The following PLA2G2D variants were observed in gnomAD, a reference collection of about 807,000 sequenced individuals.
PLA2G2D encodes the protein phospholipase A2 group IID.
PLA2G2D carries 17 observed loss-of-function variants against 13.9 expected under a neutral mutation model. The observed-to-expected ratio is 1.23, with a 90% confidence interval of 0.84 to 1.84. The LOEUF (loss-of-function observed/expected upper bound fraction) is 1.84. Ranked by LOEUF, PLA2G2D falls within the 40% of genes most tolerant of loss-of-function variation. PLA2G2D has a pLI of 0.00. For synonymous variants in PLA2G2D, 83 were observed against 69.3 expected (o/e 1.20, Z -0.98); for missense variants, 194 against 178.7 (o/e 1.09, Z -0.49).
chr1:20,116,227 C>A, intron 2 of PLA2G2D, 106 bp downstream of exon 2: 1 of 1,187,724 alleles, frequency 8.4e-7, no homozygotes, highest in Non-Finnish European at 1.2e-6. Flanking sequence ...AGTAGATGCT[C>A]AACAAAATGG....
intron 1 of PLA2G2D, 21 bp from the exon 2 acceptor site, chr1:20,116,498 C>A (rs774774326): frequency 6.2e-7 from 1 of 1,613,896 alleles, no homozygotes; most frequent in African/African-American, 1.3e-5. Flanking sequence ...GCCCAGCAAC[C>A]AGGAGAGAAG....
chr1:20,116,449 C>G lies in PLA2G2D; in HGVS notation c.69G>C (p.Leu23=). The change falls in exon 2 of 4, where the codon CTG becomes CTC. Residue 23 remains leucine (L), a synonymous_variant. Coordinates refer to ENST00000375105, the MANE Select transcript of PLA2G2D (RefSeq NM_012400.4). ...CTTGCTTGACCATCTTGTTCAGGTT[C>G]AGGATCCCGCCCTGGATTGGAATCA... ...AGVIPIQGGI[L]NLNKMVKQVT... The G allele has an allele frequency of 6.2e-7, 1 of 1,614,128 alleles. No homozygotes were observed. Among genetic ancestry groups the G allele is most frequent in the Non-Finnish European group, 8.5e-7 (1 of 1,180,032 alleles).
At chr1:20,118,507 A>G (rs1025185520) in intron 1 of PLA2G2D, among the ~76,000 whole-genome samples, 1 of 152,102 alleles carries the variant, frequency 6.6e-6, no homozygotes, top group African/African-American at 2.4e-5. Context: ...TCCTTCTCCC[A>G]AGGGATGGAC....
At chr1:20,116,520 T>A in intron 1 of PLA2G2D, 43 bp from the exon 2 acceptor site, 1 of 1,610,752 alleles carries the variant, frequency 6.2e-7, no homozygotes, top group Non-Finnish European at 8.5e-7. Flanking sequence ...GGAGATGAAT[T>A]TCAGGGCAGC....
chr1:20,116,907 G>T (rs1272051167), intron 1 of PLA2G2D, among the ~76,000 whole-genome samples: 2 of 151,958 alleles, frequency 1.3e-5, no homozygotes, highest in African/African-American at 4.8e-5. Context: ...GCTGCAGTGA[G>T]CCGAGATCTT....
rs954359054 is a variant in PLA2G2D at position 20,112,067 on chromosome 1, A to G, written c.*2047T>C. 4.0e-5 allele frequency: 6 copies of G among 151,672 alleles called. No homozygotes were observed. The highest frequency in any genetic ancestry group is 5.9e-5 in the Non-Finnish European group (4 of 67,948). 9.4% of individuals were successfully genotyped at this position (151,672 alleles called of 1,614,324 possible). A position where few individuals can be genotyped will look rare whatever the true frequency, so the allele number is the denominator to read the frequency against. On this transcript the variant is annotated 3_prime_UTR_variant, in exon 4 of 4. Transcript: ENST00000375105. ...CTGAAACCTCTGCCTCCCAGGTCCA[A>G]GTGATTCTCCTGCCTCAGCCTCCTG...
At chr1:20,116,505 G>A in intron 1 of PLA2G2D, 28 bp from the exon 2 acceptor site, 1 of 1,613,828 alleles carries the variant, frequency 6.2e-7, no homozygotes. Context: ...AACCAGGAGA[G>A]AAGAGGAGAT....
At chr1:20,118,111 A>G (rs985506370) in intron 1 of PLA2G2D, among the ~76,000 whole-genome samples, 59 of 152,276 alleles carry the variant, frequency 3.9e-4, no homozygotes, top group African/African-American at 1.2e-3. Context: ...CCTAGATTCC[A>G]TGATAAGGAA....
intron 1 of PLA2G2D, among the ~76,000 whole-genome samples, chr1:20,118,614 C>T (rs2017033163): frequency 6.6e-6 from 1 of 152,308 alleles, no homozygotes; most frequent in Admixed American, 6.5e-5. Flanking sequence ...TCTGTTTTCC[C>T]ATTAGAGTCC....
rs759264281 is a variant in PLA2G2D at position 20,114,125 on chromosome 1, G to C, written c.427C>G (p.Pro143Ala). 6.2e-7 allele frequency: 1 copy of C among 1,613,130 alleles called. No homozygotes were observed. Among genetic ancestry groups the C allele is most frequent in the Non-Finnish European group, 8.5e-7 (1 of 1,179,890 alleles). The change falls in exon 4 of 4, where the codon CCT (proline) becomes GCT (alanine). Residue 143 changes from proline to alanine, a missense_variant. Transcript: ENST00000375105. Reference sequence around the variant, plus strand: ...GAGGGTGTGGGCTTCTAGCACCCAGGGGTCTGCCCCCGGCAGTGGGGCCGC... The same window carrying C: ...GAGGGTGTGGGCTTCTAGCACCCAGCGGTCTGCCCCCGGCAGTGGGGCCGC... ...YWRPHCRGQTPGC is the reference protein window; with the variant it reads ...YWRPHCRGQTAGC
intron 1 of PLA2G2D, 53 bp from the exon 2 acceptor site, chr1:20,116,530 C>A: frequency 6.3e-7 from 1 of 1,582,630 alleles, no homozygotes; most frequent in Non-Finnish European, 8.7e-7. Context: ...TTCAGGGCAG[C>A]GCCAATGGGC....
rs753692136 is a variant in PLA2G2D at position 20,119,526 on chromosome 1, A to T, written c.-28T>A. ...TCCCAGCACAGAGCAGTGGAGGCAGATGCTGGCAGTCCCTTTCCATGCAGG... is the reference window on the plus strand; with the variant it reads ...TCCCAGCACAGAGCAGTGGAGGCAGTTGCTGGCAGTCCCTTTCCATGCAGG... On this transcript the variant is annotated 5_prime_UTR_variant, in exon 1 of 4. Coordinates refer to ENST00000375105, the MANE Select transcript of PLA2G2D (RefSeq NM_012400.4). The T allele has an allele frequency of 3.1e-6, 5 of 1,612,342 alleles. No individual in the cohort carries two copies. The South Asian group carries it at 3.3e-5, about 11-fold the overall frequency.
chr1:20,116,521 T>A, intron 1 of PLA2G2D, 44 bp from the exon 2 acceptor site: 9 of 1,610,220 alleles, frequency 5.6e-6, no homozygotes, highest in Non-Finnish European at 7.6e-6. Context: ...GAGATGAATT[T>A]CAGGGCAGCG....
chr1:20,116,285 C>T (rs2016988023), intron 2 of PLA2G2D, 48 bp downstream of exon 2: 4 of 1,580,638 alleles, frequency 2.5e-6, no homozygotes, highest in Non-Finnish European at 3.5e-6. Context: ...AAGAAGAGTA[C>T]CGTAGTCGGG....
Position 20,115,606 on chromosome 1 carries a change from G to A in PLA2G2D, c.193C>T (p.Gln65Ter), listed in dbSNP as rs777329198. The change falls in exon 3 of 4, where the codon CAG becomes TAG. Residue 65 changes from glutamine (Q) to a stop codon, truncating the protein, a stop_gained. Transcript: ENST00000375105. LOFTEE classifies it high-confidence loss of function. ...QPKDATDWCC[Q>*]THDCCYDHLK... is the part of the protein sequence containing the mutation. ...TGGTCATAGCAGCAGTCATGGGTCT[G>A]GCAGCACCTGGAGCAGACAGGGTGC... 39 of 1,605,280 alleles carry A rather than the reference G, an allele frequency of 2.4e-5. No individual in the cohort carries two copies. Among genetic ancestry groups the A allele is most frequent in the Non-Finnish European group, 3.3e-5 (39 of 1,172,178 alleles).
chr1:20,117,223 T>C (rs1056942076), intron 1 of PLA2G2D, among the ~76,000 whole-genome samples: 1 of 152,196 alleles, frequency 6.6e-6, no homozygotes, highest in African/African-American at 2.4e-5. Flanking sequence ...TAAACCCTAT[T>C]TTACAGATGA....
chr1:20,112,590 C>T lies in PLA2G2D; in HGVS notation c.*1524G>A, dbSNP rs2016907521. 1 of 152,186 alleles carries T rather than the reference C, an allele frequency of 6.6e-6. No homozygotes were observed. The highest frequency in any genetic ancestry group is 2.4e-5 in the African/African-American group (1 of 41,436). 9.4% of individuals were successfully genotyped at this position (152,186 alleles called of 1,614,324 possible). A position where few individuals can be genotyped will look rare whatever the true frequency, so the allele number is the denominator to read the frequency against. ...ACACAAATGGCAGATTGGGAGTCCTCATAGGAAAAAGTTGTCCCTCTTCAG... is the reference window on the plus strand; with the variant it reads ...ACACAAATGGCAGATTGGGAGTCCTTATAGGAAAAAGTTGTCCCTCTTCAG... On this transcript the variant is annotated 3_prime_UTR_variant, in exon 4 of 4. Transcript: ENST00000375105.
rs568086732 is a variant in PLA2G2D, at chr1:20,118,034, C to T, written c.40+1425G>A. On this transcript the variant is annotated intron_variant, in intron 1 of 3. Transcript: ENST00000375105. ...TAAGACATGTACAAGAGAAGACTTG[C>T]TAAGCTTTGGCTGCACTGGTGAAGG... Among the ~76,000 whole-genome samples the T allele has an allele frequency of 3.9e-5, 6 of 152,242 alleles. No homozygotes were observed. In the South Asian group the frequency reaches 8.3e-4, roughly 21 times the overall value.
At chr1:20,114,936 C>G (rs1224210712) in intron 3 of PLA2G2D, among the ~76,000 whole-genome samples, 1 of 152,150 alleles carries the variant, frequency 6.6e-6, no homozygotes, top group Non-Finnish European at 1.5e-5. Flanking sequence ...GCCCTGAGGA[C>G]CTGCTACATT....
Sources: gnomAD v4.1 joint callset for allele counts (sites outside exome capture counted in the v4.1 genomes callset) on GRCh38, gnomAD v4.1.1 for gene constraint, MANE v1.5 for transcripts, NCBI Gene and HGNC (gene_info 2026-07-23, HGNC 2026-07-21) for gene names.